Variants in MAMDC2 observed in about 807,000 individuals in gnomAD.
The protein encoded by MAMDC2 is MAM domain-containing protein 2.
A neutral mutation model predicts 89.8 loss-of-function variants in MAMDC2; 57 were observed. The ratio of observed to expected loss-of-function variants is 0.63; its 90% CI spans 0.51 to 0.79. The LOEUF (loss-of-function observed/expected upper bound fraction) is 0.79. Ranked by LOEUF, MAMDC2 falls within the 30% of genes least tolerant of loss-of-function variation. The pLI is 0.00. For missense variants in MAMDC2, 800 were observed against 820.6 expected, an observed-to-expected ratio of 0.97 and a Z score of 0.31; for synonymous variants, 313 against 293.4, an observed-to-expected ratio of 1.07 and a Z score of -0.68.
intron 9 of MAMDC2, among the ~76,000 whole-genome samples, chr9:70,147,724 C>T (rs150262592): frequency 1.3e-5 from 2 of 150,366 alleles, no homozygotes; most frequent in East Asian, 1.9e-4. Context: ...ATTTATATTC[C>T]TACAGTTAAG....
At chr9:70,166,276 TACACACACAC>T (rs567995952) in intron 9 of MAMDC2, among the ~76,000 whole-genome samples, 2 of 139,152 alleles carry the variant, frequency 1.4e-5, no homozygotes, top group African/African-American at 5.2e-5. Flanking sequence ...TATATATATA[TACACACACAC>T]ACACACACAC....
chr9:70,173,214 C>A (rs753459525), intron 11 of MAMDC2, among the ~76,000 whole-genome samples: 3 of 151,984 alleles, frequency 2.0e-5, no homozygotes, highest in Non-Finnish European at 4.4e-5. Flanking sequence ...TTGAATCTAG[C>A]GGAAAGTGAA....
intron 9 of MAMDC2, among the ~76,000 whole-genome samples, chr9:70,163,912 C>T (rs922676998): frequency 6.8e-6 from 1 of 147,490 alleles, no homozygotes; most frequent in Non-Finnish European, 1.5e-5. Context: ...CAAGATCACA[C>T]CACTGTACTC....
chr9:70,200,365 T>C (rs1478220878), intron 11 of MAMDC2, among the ~76,000 whole-genome samples: 1 of 146,696 alleles, frequency 6.8e-6, no homozygotes. Context: ...TAGTTGTAGG[T>C]ATGCGGCGTT....
At chr9:70,082,053 A>G (rs1418451966) in intron 2 of MAMDC2, 1 of 152,164 alleles carries the variant, frequency 6.6e-6, no homozygotes, top group East Asian at 1.9e-4. Context: ...AGTGTCATCC[A>G]CAAGATGAGT....
intron 11 of MAMDC2, among the ~76,000 whole-genome samples, chr9:70,207,613 T>G (rs1309684887): frequency 6.6e-6 from 1 of 152,238 alleles, no homozygotes; most frequent in Non-Finnish European, 1.5e-5. Context: ...TTTCTTTTGC[T>G]GTGCAGAAGC....
intron 2 of MAMDC2, among the ~76,000 whole-genome samples, chr9:70,089,795 T>C (rs1341645997): frequency 6.6e-6 from 1 of 152,202 alleles, no homozygotes; most frequent in African/African-American, 2.4e-5. Context: ...ATTACTTAAA[T>C]AGATTAGTAT....
chr9:70,044,843 C>T (rs1826707113), intron 2 of MAMDC2, 146 bp downstream of exon 2: 8 of 730,688 alleles, frequency 1.1e-5, no homozygotes, highest in Admixed American at 2.2e-5. Flanking sequence ...AAGCCCTCAG[C>T]TGTGCTGCAA....
chr9:70,130,173 G>C (rs1194241799), intron 6 of MAMDC2, among the ~76,000 whole-genome samples: 2 of 152,006 alleles, frequency 1.3e-5, no homozygotes, highest in East Asian at 3.9e-4. Context: ...CCCAAATAAG[G>C]TCACATACTG....
At chr9:70,213,434 T>A (rs1007258078) in intron 11 of MAMDC2, among the ~76,000 whole-genome samples, 1 of 152,210 alleles carries the variant, frequency 6.6e-6, no homozygotes, top group African/African-American at 2.4e-5. Flanking sequence ...GAATTTTTTT[T>A]AAGCTAAATG....
In MAMDC2 at chr9:70,192,819, G is replaced by C. The variant is rs138617617; in HGVS notation, c.1651+22188G>C. On this transcript the variant is annotated intron_variant, in intron 11 of 13. Coordinates refer to ENST00000377182, the MANE Select transcript of MAMDC2 (RefSeq NM_153267.5). Reference sequence around the variant, plus strand: ...GGGCTCAACTTTGAATAAAGTGCAGGCAAGTGGGAATTTATAGTCAAATAG... The same window carrying C: ...GGGCTCAACTTTGAATAAAGTGCAGCCAAGTGGGAATTTATAGTCAAATAG... 3.9e-3 allele frequency among the ~76,000 whole-genome samples: 596 copies of C among 152,222 alleles called. 3 individuals are homozygous for C. The highest frequency in any genetic ancestry group is 0.013 in the African/African-American group (554 of 41,536).
intron 11 of MAMDC2, among the ~76,000 whole-genome samples, chr9:70,182,407 T>G (rs1331885138): frequency 6.6e-6 from 1 of 152,222 alleles, no homozygotes; most frequent in East Asian, 1.9e-4. Flanking sequence ...TTTCTATTGC[T>G]TGGAATAATT....
chr9:70,089,025 A>G (rs970727413), intron 2 of MAMDC2: 3 of 152,108 alleles, frequency 2.0e-5, no homozygotes, highest in Admixed American at 2.0e-4. Flanking sequence ...GGTTCATATT[A>G]TTATCTCCAT....
chr9:70,200,498 T>G lies in MAMDC2; in HGVS notation c.1652-17839T>G, dbSNP rs566651769. On this transcript the variant is annotated intron_variant, in intron 11 of 13. Transcript: ENST00000377182. ...AGTCAGGTAGCGTGATTCCTCCAGC[T>G]TTGTTCTTTTGGCTTAGGATTGACT... is the stretch of plus-strand genomic sequence containing the variant. Among the ~76,000 whole-genome samples the G allele has an allele frequency of 5.6e-3, 857 of 151,998 alleles. 10 individuals carry two copies. Among genetic ancestry groups the G allele is most frequent in the African/African-American group, 0.02 (828 of 41,408 alleles).
intron 11 of MAMDC2, among the ~76,000 whole-genome samples, chr9:70,203,311 A>G (rs1035108387): frequency 1.3e-5 from 2 of 150,206 alleles, no homozygotes; most frequent in Non-Finnish European, 3.0e-5. Flanking sequence ...TCCTTCACTT[A>G]TGAAGCTTAG....
chr9:70,134,578 A>C (rs771339867), intron 7 of MAMDC2, among the ~76,000 whole-genome samples: 31 of 152,208 alleles, frequency 2.0e-4, no homozygotes, highest in Non-Finnish European at 4.0e-4. Flanking sequence ...GTGACTGGGT[A>C]TATCCTAACA....
chr9:70,122,700 C>A (rs1441301219), intron 5 of MAMDC2, among the ~76,000 whole-genome samples: 1 of 152,046 alleles, frequency 6.6e-6, no homozygotes, highest in African/African-American at 2.4e-5. Flanking sequence ...TAATTTCTAG[C>A]CTACATCATA....
intron 11 of MAMDC2, among the ~76,000 whole-genome samples, chr9:70,183,838 G>A (rs868745070): frequency 3.0e-4 from 45 of 152,104 alleles, no homozygotes; most frequent in Middle Eastern, 3.4e-3. Context: ...CATTTAGCCC[G>A]TTTACATTTA....
intron 2 of MAMDC2, among the ~76,000 whole-genome samples, chr9:70,104,051 C>T (rs2975876): frequency 0.064 from 9,652 of 151,506 alleles, 974 homozygotes; most frequent in African/African-American, 0.21. Context: ...ATTTTCTATT[C>T]GATAAGATCT....
Sources: allele counts gnomAD v4.1 joint callset (sites outside exome capture counted in the v4.1 genomes callset), GRCh38; gene constraint gnomAD v4.1.1; transcripts MANE v1.5; gene names NCBI Gene and HGNC (gene_info 2026-07-23, HGNC 2026-07-21).